SNRPA: variants seen among roughly 807,000 people sequenced by gnomAD.
The protein encoded by SNRPA is small nuclear ribonucleoprotein polypeptide A.
In SNRPA, 10 loss-of-function variants were observed where a neutral mutation model predicts 24.5. The ratio of observed to expected loss-of-function variants is 0.41; its 90% confidence interval spans 0.25 to 0.69. The LOEUF (loss-of-function observed/expected upper bound fraction) is 0.69. SNRPA is among the 30% of genes least tolerant of loss of function. The probability of loss-of-function intolerance (pLI) is 0.33; values close to 1 mark genes in which losing one functional copy is unlikely to be tolerated. For missense variants in SNRPA, 283 were observed against 394.7 expected (o/e 0.72, Z 2.40); for synonymous variants, 165 against 148.4 (o/e 1.11, Z -0.81).
At position 40,751,330 on chromosome 19, in the gene SNRPA, T is replaced by C. The variant is rs368523279; in HGVS notation, c.-79T>C. ...GAGGAAGATCCTTGAGCAGCCGACG[T>C]TGGGACAAAGGATTTGGAGAAACCC... On this transcript the variant is annotated 5_prime_UTR_variant, in exon 1 of 6. Coordinates refer to ENST00000243563, the MANE Select transcript of SNRPA (RefSeq NM_004596.5). 1.6e-5 allele frequency: 18 copies of C among 1,110,802 alleles called. No individual in the cohort carries two copies. The highest frequency in any genetic ancestry group is 6.2e-5 in the African/African-American group (4 of 64,976). The allele number at this position is 1,110,802 out of a possible 1,614,324, so 68.8% of individuals were successfully genotyped here.
At chr19:40,753,381 TA>T (rs2082892677) in intron 1 of SNRPA, among the ~76,000 whole-genome samples, 1 of 104,236 alleles carries the variant, frequency 9.6e-6, no homozygotes, top group African/African-American at 4.1e-5. Flanking sequence ...AAATTTTGCA[TA>T]TGTTTTTTTT....
At chr19:40,763,157 T>C (rs2082940287) in intron 4 of SNRPA, 83 bp downstream of exon 4, 3 of 1,154,998 alleles carry the variant, frequency 2.6e-6, no homozygotes, top group Non-Finnish European at 3.7e-6. Flanking sequence ...GGGGCTGCTG[T>C]AGGTTGGGTG....
At chr19:40,760,060 A>G (rs1047619973) in intron 3 of SNRPA, among the ~76,000 whole-genome samples, 1 of 152,138 alleles carries the variant, frequency 6.6e-6, no homozygotes, top group African/African-American at 2.4e-5. Context: ...ACAGGGTCTC[A>G]CTGTCACCCA....
chr19:40,757,622 C>T, intron 2 of SNRPA, 118 bp downstream of exon 2: 1 of 954,814 alleles, frequency 1.0e-6, no homozygotes, highest in Non-Finnish European at 1.6e-6. Context: ...CTGGACCAGG[C>T]TCCCACTGCA....
intron 5 of SNRPA, 135 bp from the exon 6 acceptor site, chr19:40,764,873 G>C: frequency 1.3e-6 from 1 of 748,984 alleles, no homozygotes; most frequent in South Asian, 2.9e-5. Context: ...TGCATTTTGG[G>C]CTGGATAATT....
chr19:40,751,303 C>G lies in SNRPA; in HGVS notation c.-106C>G, dbSNP rs531273022. ...CTCCCGCCTTACCTGACTTCCTTTTCGGAGGAAGATCCTTGAGCAGCCGAC... is the reference window on the plus strand; with the variant it reads ...CTCCCGCCTTACCTGACTTCCTTTTGGGAGGAAGATCCTTGAGCAGCCGAC... On this transcript the variant is annotated 5_prime_UTR_variant, in exon 1 of 6. Coordinates refer to ENST00000243563, the MANE Select transcript of SNRPA (RefSeq NM_004596.5). 7 of 859,008 alleles carry G rather than the reference C, an allele frequency of 8.1e-6. No individual in the cohort carries two copies. Among genetic ancestry groups the G allele is most frequent in the Admixed American group, 1.7e-5 (1 of 57,422 alleles). 53.2% of individuals were successfully genotyped at this position (859,008 alleles called of 1,614,324 possible).
rs764992919 is a variant in SNRPA at position 40,763,001 on chromosome 19, C to T, written c.527C>T (p.Ala176Val). The change falls in exon 4 of 6, where the codon GCA becomes GTA. Residue 176 changes from alanine to valine, a missense_variant. Physicochemically the swap from Ala to Val is moderately conservative, Grantham distance 64. This residue lies in a region of SNRPA where 167 missense variants were observed against 174.3 expected (regional missense o/e 0.96). Coordinates refer to ENST00000243563, the MANE Select transcript of SNRPA (RefSeq NM_004596.5). ...GGTATGATCCCCCCGCCAGGCCTTGCACCTGGCCAGATCCCACCAGGGGCC... is the reference window on the plus strand; with the variant it reads ...GGTATGATCCCCCCGCCAGGCCTTGTACCTGGCCAGATCCCACCAGGGGCC... ...PPGMIPPPGL[A>V]PGQIPPGAMP... is the part of the protein sequence containing the mutation. The T allele has an allele frequency of 1.9e-6, 3 of 1,611,156 alleles. No homozygotes were observed. Among genetic ancestry groups the T allele is most frequent in the South Asian group, 2.2e-5 (2 of 90,820 alleles).
chr19:40,752,185 A>G (rs139928103), intron 1 of SNRPA, among the ~76,000 whole-genome samples: 3,282 of 151,948 alleles, frequency 0.022, 102 homozygotes, highest in African/African-American at 0.074. Flanking sequence ...TGAAAATACA[A>G]AATTAGCCGG....
intron 5 of SNRPA, among the ~76,000 whole-genome samples, chr19:40,763,935 G>A (rs1181501963): frequency 6.6e-6 from 1 of 152,212 alleles, no homozygotes; most frequent in Non-Finnish European, 1.5e-5. Flanking sequence ...AGGGAGTCCA[G>A]GCTCTGGGCC....
At chr19:40,763,167 G>A in intron 4 of SNRPA, 93 bp downstream of exon 4, 1 of 963,548 alleles carries the variant, frequency 1.0e-6, no homozygotes, top group Non-Finnish European at 1.5e-6. Flanking sequence ...TAGGTTGGGT[G>A]GTCTGGGCAG....
Position 40,763,616 on chromosome 19 carries a change from G to A in SNRPA, c.630G>A (p.Leu210=), listed in dbSNP as rs140010893. The part of the protein sequence containing the change: ...PLSENPPNHI[L]FLTNLPEETN... The stretch of plus-strand genomic sequence containing the variant: ...CTGAGAATCCACCGAATCACATCTT[G>A]TTCCTCACCAACCTGCCAGAGGAGA... The change falls in exon 5 of 6, where the codon TTG becomes TTA. Residue 210 remains leucine (L), a synonymous_variant. Coordinates refer to ENST00000243563, the MANE Select transcript of SNRPA (RefSeq NM_004596.5). The A allele has an allele frequency of 1.1e-5, 17 of 1,614,008 alleles. No individual in the cohort carries two copies. In the African/African-American group the frequency reaches 2.0e-4, roughly 19 times the overall value.
At chr19:40,754,993 C>G (rs1197276143) in intron 1 of SNRPA, among the ~76,000 whole-genome samples, 2 of 148,038 alleles carry the variant, frequency 1.4e-5, no homozygotes, top group Non-Finnish European at 3.0e-5. Context: ...ACAACCTTGA[C>G]TGCTGTCCCT....
At chr19:40,759,167 T>C (rs1250522294) in intron 2 of SNRPA, among the ~76,000 whole-genome samples, 3 of 146,660 alleles carry the variant, frequency 2.0e-5, no homozygotes, top group Non-Finnish European at 4.5e-5. Flanking sequence ...ATCTCATCAC[T>C]GCACTCTAGC....
In SNRPA at chr19:40,751,273, C is replaced by A. The variant is rs1398260099; in HGVS notation, c.-136C>A. ...TGTCGCGCTTTGCCTCCGTCCTTGC[C>A]CCTACTCCCGCCTTACCTGACTTCC... is the stretch of plus-strand genomic sequence containing the variant. On this transcript the variant is annotated 5_prime_UTR_variant, in exon 1 of 6. Transcript: ENST00000243563. The A allele has an allele frequency of 4.1e-6, 3 of 734,832 alleles. No individual in the cohort carries two copies. The highest frequency in any genetic ancestry group is 7.5e-6 in the Non-Finnish European group (3 of 399,436). 45.5% of individuals were successfully genotyped at this position (734,832 alleles called of 1,614,324 possible). A position where few individuals can be genotyped will look rare whatever the true frequency, so the allele number is the denominator to read the frequency against.
rs780993076 is a variant in SNRPA, at chr19:40,765,165, T to C, written c.847T>C (p.Ter283GlnextTer64). ...CATGAAGATCTCCTTTGCCAAGAAG[T>C]AGCACCTTTTCCCCCCATGCCTGCC... ...NAMKISFAKK[*>Q] The change falls in exon 6 of 6, where the codon TAG becomes CAG. Residue 283 changes from the stop codon to glutamine (Q), a stop_lost. Transcript: ENST00000243563. 1 of 1,529,542 alleles carries C rather than the reference T, an allele frequency of 6.5e-7. No homozygotes were observed. Among genetic ancestry groups the C allele is most frequent in the Non-Finnish European group, 8.8e-7 (1 of 1,135,942 alleles). 94.7% of individuals were successfully genotyped at this position (1,529,542 alleles called of 1,614,324 possible).
chr19:40,754,762 T>C (rs890982686), intron 1 of SNRPA, among the ~76,000 whole-genome samples: 9 of 152,100 alleles, frequency 5.9e-5, no homozygotes, highest in Non-Finnish European at 1.2e-4. Flanking sequence ...CCTGAGGGTG[T>C]TGGGGAGCCA....
chr19:40,754,050 C>G (rs2082897671), intron 1 of SNRPA, among the ~76,000 whole-genome samples: 1 of 149,208 alleles, frequency 6.7e-6, no homozygotes, highest in South Asian at 2.1e-4. Context: ...ATCTGCCCAC[C>G]TTGGCCTCCA....
chr19:40,753,397 T>TTTTTTTTTG (rs1568483787), intron 1 of SNRPA, among the ~76,000 whole-genome samples: 1 of 113,734 alleles, frequency 8.8e-6, no homozygotes, highest in Non-Finnish European at 1.9e-5. Flanking sequence ...TTTTTTTTTT[T>TTTTTTTTTG]TTTTTTTTTT....
chr19:40,753,141 G>A (rs1317324684), intron 1 of SNRPA, among the ~76,000 whole-genome samples: 1 of 152,068 alleles, frequency 6.6e-6, no homozygotes, highest in Non-Finnish European at 1.5e-5. Context: ...GATCATTTGA[G>A]GTCAGGAGTT....
Sources: allele counts gnomAD v4.1 joint callset (sites outside exome capture counted in the v4.1 genomes callset), GRCh38; gene constraint gnomAD v4.1.1; regional missense constraint gnomAD v4.1.1; transcripts MANE v1.5; gene names NCBI Gene and HGNC (gene_info 2026-07-23, HGNC 2026-07-21).